Variants in TMEM132D observed in about 807,000 individuals in gnomAD.
TMEM132D encodes the protein mature OL transmembrane protein.
In TMEM132D, 21 loss-of-function variants were observed where a neutral mutation model predicts 62.3. The ratio of observed to expected loss-of-function variants is 0.34; its 90% CI spans 0.24 to 0.49. The LOEUF (loss-of-function observed/expected upper bound fraction) is 0.49. TMEM132D is among the 20% of genes least tolerant of loss of function. The pLI, the probability that TMEM132D is intolerant of heterozygous loss-of-function variation, is 0.99. For synonymous variants in TMEM132D, 621 were observed against 575.6 expected, an observed-to-expected ratio of 1.08 and a Z score of -1.13; for missense variants, 1,346 against 1,402.8, an observed-to-expected ratio of 0.96 and a Z score of 0.65.
intron 5 of TMEM132D, among the ~76,000 whole-genome samples, chr12:129,182,469 C>A (rs1408418371): frequency 5.3e-5 from 8 of 152,216 alleles, no homozygotes; most frequent in Admixed American, 2.6e-4. Flanking sequence ...CAGGTCCACA[C>A]TCTGCAGGGA....
At chr12:129,639,616 A>G (rs897126264) in intron 2 of TMEM132D, among the ~76,000 whole-genome samples, 3 of 152,190 alleles carry the variant, frequency 2.0e-5, no homozygotes, top group Admixed American at 6.5e-5. Flanking sequence ...CCTACAGACC[A>G]TGTCTACACA....
At chr12:129,236,301 G>A (rs964337874) in intron 4 of TMEM132D, among the ~76,000 whole-genome samples, 1 of 151,936 alleles carries the variant, frequency 6.6e-6, no homozygotes, top group Non-Finnish European at 1.5e-5. Context: ...TGGATCACAA[G>A]GTCAGGAGTT....
chr12:129,757,416 A>C (rs2137272037), intron 1 of TMEM132D, among the ~76,000 whole-genome samples: 1 of 152,194 alleles, frequency 6.6e-6, no homozygotes, highest in South Asian at 2.1e-4. Flanking sequence ...GTGGTTTCAA[A>C]TACCATCTAT....
intron 2 of TMEM132D, among the ~76,000 whole-genome samples, chr12:129,627,631 C>T (rs980910338): frequency 2.0e-4 from 31 of 152,010 alleles, no homozygotes; most frequent in African/African-American, 7.0e-4. Context: ...AATATATACA[C>T]AAGTATATAC....
In TMEM132D at chr12:129,450,067, T is replaced by C. The variant is rs576742827; in HGVS notation, c.1115+80992A>G. 5.9e-5 allele frequency among the ~76,000 whole-genome samples: 9 copies of C among 152,310 alleles called. No homozygotes were observed. In the East Asian group the frequency reaches 1.7e-3, roughly 29 times the overall value. ...CCTTTGCCCACTTCTGCACGGGTTT[T>C]TTTCTCGTAAATTTAAGTTCCTTAT... is the stretch of plus-strand genomic sequence containing the variant. On this transcript the variant is annotated intron_variant, in intron 3 of 8. Coordinates refer to ENST00000422113, the MANE Select transcript of TMEM132D (RefSeq NM_133448.3).
chr12:129,481,870 C>A (rs897322041), intron 3 of TMEM132D, among the ~76,000 whole-genome samples: 1 of 151,946 alleles, frequency 6.6e-6, no homozygotes, highest in Non-Finnish European at 1.5e-5. Context: ...TCCCAGGCAC[C>A]CCCACCACCA....
chr12:129,605,604 T>TATATATATATATATATATATACACAC lies in TMEM132D; in HGVS notation c.969-74400_969-74399insGTGTGTATATATATATATATATATAT, dbSNP rs150550863. Among the ~76,000 whole-genome samples the TATATATATATATATATATATACACAC allele has an allele frequency of 4.1e-4, 44 of 106,268 alleles. 1 individual carries two copies. Among genetic ancestry groups the TATATATATATATATATATATACACAC allele is most frequent in the African/African-American group, 1.6e-3 (40 of 25,728 alleles). 69.7% of individuals were successfully genotyped at this position (106,268 alleles called of 152,430 possible). A position where few individuals can be genotyped will look rare whatever the true frequency, so the allele number is the denominator to read the frequency against. On this transcript the variant is annotated intron_variant, in intron 2 of 8. Coordinates refer to ENST00000422113, the MANE Select transcript of TMEM132D (RefSeq NM_133448.3). ...ATTAGGCATTATATATATATATATA[T>TATATATATATATATATATATACACAC]ACACACACATATATATATACACACA...
intron 2 of TMEM132D, among the ~76,000 whole-genome samples, chr12:129,533,642 T>C (rs1186738863): frequency 1.3e-5 from 2 of 152,254 alleles, no homozygotes; most frequent in Non-Finnish European, 2.9e-5. Context: ...TGAATCCTTT[T>C]CAAGTTCTTA....
intron 1 of TMEM132D, among the ~76,000 whole-genome samples, chr12:129,716,038 T>C (rs184638577): frequency 1.3e-5 from 2 of 152,288 alleles, no homozygotes; most frequent in African/African-American, 4.8e-5. Context: ...ACTGGACCAA[T>C]AGGCGTCCAG....
intron 1 of TMEM132D, among the ~76,000 whole-genome samples, chr12:129,740,766 C>A (rs2137259177): frequency 1.3e-5 from 2 of 152,126 alleles, no homozygotes; most frequent in South Asian, 4.2e-4. Flanking sequence ...AAAACCAATC[C>A]AGTTCCTTAA....
chr12:129,339,798 G>A (rs534006702), intron 3 of TMEM132D, among the ~76,000 whole-genome samples: 1 of 152,276 alleles, frequency 6.6e-6, no homozygotes, highest in Admixed American at 6.5e-5. Context: ...TAATCACAAA[G>A]AAAGGAATTT....
At chr12:129,285,747 G>T (rs533106165) in intron 4 of TMEM132D, among the ~76,000 whole-genome samples, 1 of 152,018 alleles carries the variant, frequency 6.6e-6, no homozygotes, top group Non-Finnish European at 1.5e-5. Context: ...TAAAATACAG[G>T]TGTGAAAAGT....
At chr12:129,327,569 G>A (rs1221728370) in intron 4 of TMEM132D, among the ~76,000 whole-genome samples, 2 of 152,184 alleles carry the variant, frequency 1.3e-5, no homozygotes, top group Non-Finnish European at 2.9e-5. Context: ...ACTGGACAGT[G>A]TCTAGTCTAG....
intron 2 of TMEM132D, among the ~76,000 whole-genome samples, chr12:129,592,417 T>C (rs1878218341): frequency 6.6e-6 from 1 of 152,210 alleles, no homozygotes; most frequent in Non-Finnish European, 1.5e-5. Context: ...AAATCTTCCC[T>C]TTCACAGGAT....
At chr12:129,353,753 T>C (rs1256977980) in intron 3 of TMEM132D, among the ~76,000 whole-genome samples, 2 of 152,158 alleles carry the variant, frequency 1.3e-5, no homozygotes, top group East Asian at 3.9e-4. Context: ...ACCAAACATC[T>C]TCCTTCCCTG....
intron 1 of TMEM132D, among the ~76,000 whole-genome samples, chr12:129,763,451 A>G (rs1488504301): frequency 7.8e-6 from 1 of 128,284 alleles, no homozygotes. Context: ...TTTTTCTGAA[A>G]TAGTAAAATA....
chr12:129,700,606 C>T lies in TMEM132D; in HGVS notation c.172G>A (p.Val58Ile), dbSNP rs1406077872. The T allele has an allele frequency of 4.3e-6, 7 of 1,613,928 alleles. No homozygotes were observed. In the South Asian group the frequency reaches 4.4e-5, roughly 10 times the overall value. ...PVTYHINNAD[V>I]SFFLKEANQD... ...TTGGCCTCCTTCAGGAAGAAGGAGA[C>T]GTCCGCGTTGTTGATGTGGTAGGTC... The change falls in exon 2 of 9, where the codon GTC becomes ATC. Residue 58 changes from valine (V) to isoleucine (I), a missense_variant. Physicochemically the swap from Val to Ile is conservative, Grantham distance 29 (BLOSUM62 3). Coordinates refer to ENST00000422113, the MANE Select transcript of TMEM132D (RefSeq NM_133448.3).
At chr12:129,149,973 T>C (rs1877024093) in intron 5 of TMEM132D, among the ~76,000 whole-genome samples, 1 of 152,246 alleles carries the variant, frequency 6.6e-6, no homozygotes, top group Admixed American at 6.5e-5. Context: ...GTCTGAAACC[T>C]AATGTATGCC....
At position 129,277,269 on chromosome 12, in the gene TMEM132D, G is replaced by A. The variant is rs1881028884; in HGVS notation, c.1299+60365C>T. Among the ~76,000 whole-genome samples, 1 of 152,262 alleles carries A rather than the reference G, an allele frequency of 6.6e-6. No homozygotes were observed. Among genetic ancestry groups the A allele is most frequent in the Non-Finnish European group, 1.5e-5 (1 of 68,026 alleles). ...TCTGAGTCTCTTTAGAAGAAGAGAT[G>A]TATTTTCCTCAACAATGAGGTCCAG... On this transcript the variant is annotated intron_variant, in intron 4 of 8. Coordinates refer to ENST00000422113, the MANE Select transcript of TMEM132D (RefSeq NM_133448.3). The surrounding 1 kb of genome is among the most constrained non-coding windows in gnomAD (Gnocchi z 4.2).
Sources: allele counts gnomAD v4.1 joint callset (sites outside exome capture counted in the v4.1 genomes callset), GRCh38; gene constraint gnomAD v4.1.1; non-coding constraint Gnocchi (gnomAD v3.1); transcripts MANE v1.5; gene names NCBI Gene and HGNC (gene_info 2026-07-23, HGNC 2026-07-21).